MAGI2: variants seen among roughly 807,000 people sequenced by gnomAD.
MAGI2 encodes membrane associated guanylate kinase, WW and PDZ domain containing 2.
Under a neutral mutation model 133.3 loss-of-function variants are expected in MAGI2, and 35 were observed. The ratio of observed to expected loss-of-function variants is 0.26; its 90% CI spans 0.20 to 0.35. The LOEUF (loss-of-function observed/expected upper bound fraction) is 0.35, where lower values mean the gene tolerates loss of function less well. Among genes scored for constraint, MAGI2 ranks in the 10% least tolerant of loss-of-function variants. The pLI, the probability that MAGI2 is intolerant of heterozygous loss-of-function variation, is 1.00. For synonymous variants in MAGI2, 729 were observed against 710.6 expected (o/e 1.03, Z -0.41); for missense variants, 1,636 against 1,863.4 (o/e 0.88, Z 2.25).
chr7:78,019,655 G>C lies in MAGI2; in HGVS notation c.4028C>G (p.Pro1343Arg). 1 of 1,217,218 alleles carries C rather than the reference G, an allele frequency of 8.2e-7. No individual in the cohort carries two copies. Among genetic ancestry groups the C allele is most frequent in the Non-Finnish European group, 1.0e-6 (1 of 979,572 alleles). 75.4% of individuals were successfully genotyped at this position (1,217,218 alleles called of 1,614,324 possible). A position where few individuals can be genotyped will look rare whatever the true frequency, so the allele number is the denominator to read the frequency against. Residue 1343 changes from proline (P) to arginine (R), a missense_variant, in exon 22 of 22, where the codon CCC becomes CGC. Pro to Arg is a moderately radical substitution (Grantham distance 103, BLOSUM62 -2). Transcript: ENST00000354212. ...GGQGRPEAGRPASEARAPGLA... is the reference protein window; with the variant it reads ...GGQGRPEAGRRASEARAPGLA... ...CCCGGGCGCCCTGGCCTCCGAGGCG[G>C]GCCTGCCGGCCTCGGGCCGCCCCTG...
At chr7:78,837,206 A>G (rs1005823129) in intron 2 of MAGI2, among the ~76,000 whole-genome samples, 1 of 152,162 alleles carries the variant, frequency 6.6e-6, no homozygotes, top group Non-Finnish European at 1.5e-5. Context: ...CAGCCGCCCA[A>G]GTGCCAATGA....
chr7:78,574,583 G>A (rs1802070004), intron 3 of MAGI2, among the ~76,000 whole-genome samples: 1 of 152,180 alleles, frequency 6.6e-6, no homozygotes. Flanking sequence ...TGTAATGCTT[G>A]ACTTGTTTAA....
intron 7 of MAGI2, among the ~76,000 whole-genome samples, chr7:78,359,654 T>C (rs572004879): frequency 6.6e-6 from 1 of 152,294 alleles, no homozygotes; most frequent in Admixed American, 6.5e-5. Context: ...CATGATGGGA[T>C]TGTTAAAATC....
chr7:78,939,071 G>T (rs1800768513), intron 2 of MAGI2, among the ~76,000 whole-genome samples: 1 of 152,146 alleles, frequency 6.6e-6, no homozygotes, highest in African/African-American at 2.4e-5. Flanking sequence ...TCAGCTCACT[G>T]CAGCCTCCAT....
chr7:79,158,093 G>A (rs1823994947), intron 1 of MAGI2, among the ~76,000 whole-genome samples: 1 of 151,590 alleles, frequency 6.6e-6, no homozygotes, highest in Admixed American at 6.6e-5. Context: ...TATAAATTTT[G>A]CTATTTGATT....
rs144599296 is a variant in MAGI2, at chr7:79,171,770, A to ATTTTTTTTTTTTT, written c.302-164577_302-164565dup. Among the ~76,000 whole-genome samples, 15 of 31,220 alleles carry ATTTTTTTTTTTTT rather than the reference A, an allele frequency of 4.8e-4. 1 individual carries two copies. Among genetic ancestry groups the ATTTTTTTTTTTTT allele is most frequent in the African/African-American group, 5.8e-4 (9 of 15,444 alleles). 20.5% of individuals were successfully genotyped at this position (31,220 alleles called of 152,430 possible). ...TATATATATATATATATATATATAT[A>ATTTTTTTTTTTTT]TTTTTTTTTTTTTTTTCTTTTAAAG... is the stretch of plus-strand genomic sequence containing the variant. On this transcript the variant is annotated intron_variant, in intron 1 of 21. Transcript: ENST00000354212.
At chr7:78,406,134 A>G (rs1023923459) in intron 6 of MAGI2, among the ~76,000 whole-genome samples, 3 of 152,046 alleles carry the variant, frequency 2.0e-5, no homozygotes, top group Admixed American at 6.6e-5. Context: ...TATTAAAAAG[A>G]CAGTAAATTA....
chr7:79,286,507 G>A (rs1203123256), intron 1 of MAGI2, among the ~76,000 whole-genome samples: 2 of 151,770 alleles, frequency 1.3e-5, no homozygotes, highest in Non-Finnish European at 2.9e-5. Context: ...GTGAATATGG[G>A]GGAAAAAATC....
intron 21 of MAGI2, among the ~76,000 whole-genome samples, chr7:78,041,260 G>A (rs1394529207): frequency 1.3e-5 from 2 of 152,182 alleles, no homozygotes; most frequent in Non-Finnish European, 2.9e-5. Flanking sequence ...CACACAGAAA[G>A]GATTCTTTCA....
intron 16 of MAGI2, among the ~76,000 whole-genome samples, chr7:78,137,950 G>A (rs1822336514): frequency 6.6e-6 from 1 of 151,942 alleles, no homozygotes; most frequent in Non-Finnish European, 1.5e-5. Flanking sequence ...GTATATATAT[G>A]TATATATATG....
At chr7:78,401,244 G>A (rs1178700621) in intron 6 of MAGI2, among the ~76,000 whole-genome samples, 14 of 152,012 alleles carry the variant, frequency 9.2e-5, no homozygotes, top group Admixed American at 7.9e-4. Flanking sequence ...AAACAAAATG[G>A]AAGGACAGAA....
At chr7:78,287,500 C>T (rs927959906) in intron 9 of MAGI2, among the ~76,000 whole-genome samples, 18 of 152,012 alleles carry the variant, frequency 1.2e-4, no homozygotes, top group Non-Finnish European at 1.5e-4. Flanking sequence ...CTCTGTGACA[C>T]GAGGTTGGTA....
At chr7:78,090,135 C>G (rs1297620070) in intron 20 of MAGI2, among the ~76,000 whole-genome samples, 1 of 152,172 alleles carries the variant, frequency 6.6e-6, no homozygotes, top group Admixed American at 6.5e-5. Context: ...AGGCTCTGCT[C>G]AAATCCTCCA....
chr7:79,380,503 G>A (rs761074589), intron 1 of MAGI2, among the ~76,000 whole-genome samples: 11 of 151,750 alleles, frequency 7.2e-5, no homozygotes, highest in Non-Finnish European at 1.6e-4. Flanking sequence ...AATTCAACAT[G>A]TAACACCTCC....
rs1005808397 is a variant in MAGI2 at position 78,635,824 on chromosome 7, G to A, written c.419-8585C>T. On this transcript the variant is annotated intron_variant, in intron 2 of 21. Transcript: ENST00000354212. ...ATGCTGCCAATAAAAACATACATCC[G>A]ATAGATTCCTTTGGCCAATGCCTGT... is the stretch of plus-strand genomic sequence containing the variant. Among the ~76,000 whole-genome samples, 7 of 152,136 alleles carry A rather than the reference G, an allele frequency of 4.6e-5. No homozygotes were observed. In the East Asian group the frequency reaches 9.6e-4, roughly 21 times the overall value.
intron 2 of MAGI2, among the ~76,000 whole-genome samples, chr7:78,875,763 C>T (rs376088814): frequency 2.0e-5 from 3 of 152,110 alleles, no homozygotes; most frequent in South Asian, 4.2e-4. Context: ...CCAAGTGAGC[C>T]TAGATTTTGG....
At chr7:78,348,119 C>T (rs181007044) in intron 7 of MAGI2, among the ~76,000 whole-genome samples, 14 of 152,314 alleles carry the variant, frequency 9.2e-5, no homozygotes, top group Non-Finnish European at 1.6e-4. Context: ...GTGCCCTCTA[C>T]GTTGAACATA....
chr7:79,093,142 C>T (rs1482081856), intron 1 of MAGI2, among the ~76,000 whole-genome samples: 1 of 149,654 alleles, frequency 6.7e-6, no homozygotes, highest in Admixed American at 6.7e-5. Context: ...CTGGAATTGA[C>T]ATAAAATATA....
chr7:78,706,811 TCTC>T (rs1410112258), intron 2 of MAGI2, among the ~76,000 whole-genome samples: 5 of 152,058 alleles, frequency 3.3e-5, no homozygotes, highest in Non-Finnish European at 5.9e-5. Flanking sequence ...TTTTTGTTTT[TCTC>T]CTTTGAAGGT....
Sources: gnomAD v4.1 joint callset for allele counts (sites outside exome capture counted in the v4.1 genomes callset) on GRCh38, gnomAD v4.1.1 for gene constraint, MANE v1.5 for transcripts, NCBI Gene and HGNC (gene_info 2026-07-23, HGNC 2026-07-21) for gene names.